The following IL1RAPL2 variants were observed in gnomAD, a reference collection of about 807,000 sequenced individuals.
IL1RAPL2 encodes the protein X-linked interleukin-1 receptor accessory protein-like 2.
Under a neutral mutation model 44.1 loss-of-function variants are expected in IL1RAPL2, and 3 were observed. The observed-to-expected ratio is 0.07, with a 90% CI of 0.03 to 0.18. The LOEUF (loss-of-function observed/expected upper bound fraction) is 0.18, where lower values mean the gene tolerates loss of function less well. IL1RAPL2 is among the 10% of genes least tolerant of loss of function. The pLI is 1.00. For missense variants in IL1RAPL2, 391 were observed against 496.4 expected (o/e 0.79, Z 2.02); for synonymous variants, 181 against 178.8 (o/e 1.01, Z -0.10).
chrX:105,163,754 AG>A (rs1017127489), intron 2 of IL1RAPL2, among the ~76,000 whole-genome samples: 1 of 111,119 alleles, frequency 9.0e-6, no homozygotes, highest in African/African-American at 3.3e-5. Flanking sequence ...TGGTCATTTC[AG>A]GCTCAAAAAA....
At chrX:105,694,624 TCCCCTTCCTCATC>T (rs2147533811) in intron 6 of IL1RAPL2, among the ~76,000 whole-genome samples, 1 of 110,986 alleles carries the variant, frequency 9.0e-6, no homozygotes, top group South Asian at 3.9e-4. Context: ...ACATATCCCT[TCCCCTTCCTCATC>T]CCCTCCTGAG....
chrX:104,680,604 C>T (rs944549056), intron 2 of IL1RAPL2, among the ~76,000 whole-genome samples: 5 of 110,664 alleles, frequency 4.5e-5, no homozygotes, highest in Non-Finnish European at 9.5e-5. Flanking sequence ...GGGGAACTAC[C>T]CCCAAAGACA....
At chrX:104,761,894 CT>C (rs1932447660) in intron 2 of IL1RAPL2, among the ~76,000 whole-genome samples, 1 of 51,146 alleles carries the variant, frequency 2.0e-5, no homozygotes, top group African/African-American at 1.3e-4. Flanking sequence ...TCTCCTTCTC[CT>C]TCTCCTTCTC....
intron 2 of IL1RAPL2, among the ~76,000 whole-genome samples, chrX:104,896,648 G>A (rs1028767742): frequency 8.9e-6 from 1 of 111,840 alleles, no homozygotes; most frequent in Non-Finnish European, 1.9e-5. Context: ...CCAATCAGCA[G>A]GATGTGGGTG....
chrX:104,913,223 G>C (rs1256124518), intron 2 of IL1RAPL2, among the ~76,000 whole-genome samples: 1 of 111,356 alleles, frequency 9.0e-6, no homozygotes, highest in Non-Finnish European at 1.9e-5. Flanking sequence ...GACCACAGGA[G>C]ACAGAGTTTT....
chrX:105,288,906 A>T (rs1043894202), intron 5 of IL1RAPL2, among the ~76,000 whole-genome samples: 1 of 111,095 alleles, frequency 9.0e-6, no homozygotes, highest in Admixed American at 9.7e-5. Context: ...TGATCTTATC[A>T]TGCTTGTTTT....
At chrX:104,984,666 T>C (rs1602869904) in intron 2 of IL1RAPL2, among the ~76,000 whole-genome samples, 1 of 112,143 alleles carries the variant, frequency 8.9e-6, no homozygotes, top group East Asian at 2.8e-4. Context: ...CCATTTTACA[T>C]TAAGGTCAAA....
chrX:104,971,605 A>G (rs1035705276), intron 2 of IL1RAPL2, among the ~76,000 whole-genome samples: 1 of 111,050 alleles, frequency 9.0e-6, no homozygotes, highest in Non-Finnish European at 1.9e-5. Flanking sequence ...ATCCTAGTCT[A>G]TTATAGAGAA....
intron 2 of IL1RAPL2, among the ~76,000 whole-genome samples, chrX:105,084,163 G>C (rs956759954): frequency 8.9e-6 from 1 of 112,526 alleles, no homozygotes; most frequent in Non-Finnish European, 1.9e-5. Flanking sequence ...AAGGCAGTGT[G>C]GAAGGAAAAA....
At chrX:104,730,851 T>C (rs1271996512) in intron 2 of IL1RAPL2, among the ~76,000 whole-genome samples, 1 of 110,746 alleles carries the variant, frequency 9.0e-6, no homozygotes, top group African/African-American at 3.3e-5. Context: ...AGTGTAAAAG[T>C]GTTCCTATTT....
intron 2 of IL1RAPL2, among the ~76,000 whole-genome samples, chrX:104,731,125 G>C (rs1176384420): frequency 1.8e-5 from 2 of 111,156 alleles, no homozygotes; most frequent in Non-Finnish European, 3.8e-5. Flanking sequence ...TTAGCCCTTT[G>C]TCAGATGAGT....
intron 6 of IL1RAPL2, among the ~76,000 whole-genome samples, chrX:105,493,714 G>A (rs1407141379): frequency 1.8e-5 from 2 of 111,582 alleles, no homozygotes; most frequent in Non-Finnish European, 3.8e-5. Flanking sequence ...AATATTAGTA[G>A]TATTGTTTAC....
intron 2 of IL1RAPL2, among the ~76,000 whole-genome samples, chrX:104,892,795 A>T (rs1315825712): frequency 9.0e-6 from 1 of 111,157 alleles, no homozygotes; most frequent in Non-Finnish European, 1.9e-5. Context: ...TATCTCCTTC[A>T]GTTCTGCTCT....
intron 2 of IL1RAPL2, among the ~76,000 whole-genome samples, chrX:105,081,122 G>A (rs922889305): frequency 9.0e-6 from 1 of 111,335 alleles, no homozygotes; most frequent in African/African-American, 3.3e-5. Context: ...TTTGGGCTGA[G>A]ATGATGGGGT....
chrX:104,695,835 T>A (rs1931172891), intron 2 of IL1RAPL2, among the ~76,000 whole-genome samples: 1 of 110,973 alleles, frequency 9.0e-6, no homozygotes, highest in Admixed American at 9.6e-5. Flanking sequence ...TGAGATGGCG[T>A]CTCACTCTGT....
chrX:104,876,704 CTG>C (rs1318946743), intron 2 of IL1RAPL2, among the ~76,000 whole-genome samples: 1 of 62,471 alleles, frequency 1.6e-5, no homozygotes, highest in African/African-American at 6.3e-5. Flanking sequence ...ATTTTTTTCT[CTG>C]TAACAATTTC....
intron 3 of IL1RAPL2, among the ~76,000 whole-genome samples, chrX:105,199,232 C>T (rs994554227): frequency 3.6e-5 from 4 of 110,236 alleles, no homozygotes; most frequent in Admixed American, 2.9e-4. Context: ...TCAGATTCTT[C>T]CACCTTTGCC....
chrX:105,568,009 G>A (rs2036986710), intron 6 of IL1RAPL2, among the ~76,000 whole-genome samples: 1 of 110,755 alleles, frequency 9.0e-6, no homozygotes, highest in African/African-American at 3.3e-5. Flanking sequence ...CTGCCACCAG[G>A]CCCCAGAGCA....
chrX:105,577,056 T>C (rs1351935292), intron 6 of IL1RAPL2, among the ~76,000 whole-genome samples: 1 of 111,361 alleles, frequency 9.0e-6, no homozygotes, highest in Non-Finnish European at 1.9e-5. Flanking sequence ...TTTCCCACAA[T>C]TAAAAGCTTA....
Sources: gnomAD v4.1 joint callset for allele counts (sites outside exome capture counted in the v4.1 genomes callset) on GRCh38, gnomAD v4.1.1 for gene constraint, MANE v1.5 for transcripts, NCBI Gene and HGNC (gene_info 2026-07-23, HGNC 2026-07-21) for gene names.